The following KPNA7 variants were observed in gnomAD, a reference collection of about 807,000 sequenced individuals.
KPNA7 encodes karyopherin subunit alpha 7, also known as importin subunit alpha-8.
In KPNA7, 54 loss-of-function variants were observed where a neutral mutation model predicts 53.7. The ratio of observed to expected loss-of-function variants is 1.01; its 90% CI spans 0.81 to 1.26. The LOEUF (loss-of-function observed/expected upper bound fraction) is 1.26. Ranked by LOEUF, KPNA7 falls within the 50% of genes most tolerant of loss-of-function variation. The pLI is 0.00. For missense variants in KPNA7, 640 were observed against 644.5 expected (o/e 0.99, Z 0.07); for synonymous variants, 276 against 259.3 (o/e 1.06, Z -0.62).
chr7:99,179,670 C>A (rs1006353820), intron 9 of KPNA7, among the ~76,000 whole-genome samples: 1 of 151,868 alleles, frequency 6.6e-6, no homozygotes, highest in African/African-American at 2.4e-5. Flanking sequence ...CTGCAACCTC[C>A]ACCACCCAGG....
the KPNA7 span, among the ~76,000 whole-genome samples, chr7:99,147,069 T>C: frequency 6.6e-6 from 1 of 152,146 alleles, no homozygotes; most frequent in East Asian, 1.9e-4. Flanking sequence ...GGGACCTTCC[T>C]ACCTGGAAGC....
chr7:99,157,595 A>G, the KPNA7 span, among the ~76,000 whole-genome samples: 3 of 152,190 alleles, frequency 2.0e-5, no homozygotes, highest in Non-Finnish European at 4.4e-5. Flanking sequence ...GATTTCTTCT[A>G]TACATCTGTG....
chr7:99,156,063 A>G, the KPNA7 span, among the ~76,000 whole-genome samples: 1 of 152,012 alleles, frequency 6.6e-6, no homozygotes, highest in Admixed American at 6.6e-5. Context: ...TCATCTCGGG[A>G]TTGTTTTTCA....
upstream of KPNA7, among the ~76,000 whole-genome samples, chr7:99,211,003 A>C (rs2150786203): frequency 6.6e-6 from 1 of 152,156 alleles, no homozygotes; most frequent in East Asian, 1.9e-4. Flanking sequence ...AAATTGGATA[A>C]AGAAAGTCAA....
chr7:99,169,130 T>C (rs1424937744), downstream of KPNA7, among the ~76,000 whole-genome samples: 3 of 151,860 alleles, frequency 2.0e-5, no homozygotes, highest in African/African-American at 7.3e-5. Context: ...CACTCCAGCC[T>C]GGCGACAGAG....
intron 7 of KPNA7, 116 bp from the exon 8 acceptor site, chr7:99,185,278 GACAGCCTGTGAAC>G: frequency 1.4e-6 from 1 of 702,198 alleles, no homozygotes; most frequent in Non-Finnish European, 2.5e-6. Context: ...ATGGTTGTCT[GACAGCCTGTGAAC>G]AGGAATTGTA....
chr7:99,147,683 C>A, the KPNA7 span, among the ~76,000 whole-genome samples: 1 of 152,000 alleles, frequency 6.6e-6, no homozygotes, highest in Admixed American at 6.6e-5. Context: ...CCCAGCTACT[C>A]GGGAGGCTGA....
intron 2 of KPNA7, among the ~76,000 whole-genome samples, chr7:99,205,274 A>AG (rs1790739912): frequency 6.6e-6 from 1 of 150,640 alleles, no homozygotes; most frequent in Non-Finnish European, 1.5e-5. Flanking sequence ...TGCAAAAAAA[A>AG]AAATTAGCCG....
Position 99,203,219 on chromosome 7 carries a change from C to T in KPNA7, c.88G>A (p.Ala30Thr). 1 of 1,551,666 alleles carries T rather than the reference C, an allele frequency of 6.4e-7. No individual in the cohort carries two copies. Among genetic ancestry groups the T allele is most frequent in the Non-Finnish European group, 8.7e-7 (1 of 1,146,874 alleles). Residue 30 changes from alanine (A) to threonine (T), a missense_variant, in exon 3 of 11, where the codon GCG (alanine) becomes ACG (threonine). By Grantham distance (58) the Ala-to-Thr change is moderately conservative (BLOSUM62 0). Transcript: ENST00000327442. ...GCCTTTCGGAGCTCCAGACTGACCG[C>T]CATCCTCTGCTGTCGCCTCAGCTAG... Reference protein sequence around the residue: ...DVSLRRQQRMAVSLELRKAKK... With the variant: ...DVSLRRQQRMTVSLELRKAKK...
chr7:99,212,233 CTTTTTTT>C (rs34555248), upstream of KPNA7, among the ~76,000 whole-genome samples: 7 of 47,218 alleles, frequency 1.5e-4, no homozygotes, highest in African/African-American at 5.4e-4. Flanking sequence ...CACATGTGTC[CTTTTTTT>C]TTTTTTTTTT....
At chr7:99,148,345 T>G in the KPNA7 span, among the ~76,000 whole-genome samples, 1 of 152,168 alleles carries the variant, frequency 6.6e-6, no homozygotes, top group Non-Finnish European at 1.5e-5. Context: ...CCTGAGTCAG[T>G]GTTATTGGGC....
downstream of KPNA7, among the ~76,000 whole-genome samples, chr7:99,168,769 A>G (rs1798720465): frequency 6.6e-6 from 1 of 152,176 alleles, no homozygotes; most frequent in Non-Finnish European, 1.5e-5. Flanking sequence ...AGTAGCTGGG[A>G]CCACAGGTGC....
the KPNA7 span, among the ~76,000 whole-genome samples, chr7:99,156,872 C>G: frequency 6.6e-6 from 1 of 151,924 alleles, no homozygotes; most frequent in Admixed American, 6.6e-5. Flanking sequence ...AATGTCTTTC[C>G]CTATATTTTC....
At chr7:99,161,660 C>T in the KPNA7 span, among the ~76,000 whole-genome samples, 1 of 152,178 alleles carries the variant, frequency 6.6e-6, no homozygotes, top group Non-Finnish European at 1.5e-5. Flanking sequence ...CTGCCACTTA[C>T]TGAAAGATGA....
the KPNA7 span, among the ~76,000 whole-genome samples, chr7:99,157,990 T>A: frequency 6.6e-6 from 1 of 151,990 alleles, no homozygotes; most frequent in African/African-American, 2.4e-5. Context: ...TTGCCCACAC[T>A]GGTCTTGAAC....
At chr7:99,182,220 T>C (rs1789290823) in intron 8 of KPNA7, among the ~76,000 whole-genome samples, 155 bp from the exon 9 acceptor site, 1 of 151,750 alleles carries the variant, frequency 6.6e-6, no homozygotes, top group Middle Eastern at 3.4e-3. Flanking sequence ...GCTCTTTCTT[T>C]CCCCCCTCAC....
intron 1 of KPNA7, among the ~76,000 whole-genome samples, chr7:99,214,368 G>C (rs1345918764): frequency 1.3e-5 from 2 of 151,166 alleles, no homozygotes; most frequent in African/African-American, 4.9e-5. Flanking sequence ...ACTTGAAACT[G>C]GGAGGCAGAG....
chr7:99,167,865 T>C, the KPNA7 span, among the ~76,000 whole-genome samples: 6 of 151,996 alleles, frequency 3.9e-5, no homozygotes, highest in Non-Finnish European at 2.9e-5. Context: ...GAAAACAAGC[T>C]CAGGGCTCCC....
rs756807848 is a variant in KPNA7 at position 99,178,771 on chromosome 7, CAAAAAAAAAAAAAAA to C, written c.1318-720_1318-706del. 6.9e-4 allele frequency among the ~76,000 whole-genome samples: 19 copies of C among 27,678 alleles called. No individual in the cohort carries two copies. In the South Asian group the frequency reaches 8.0e-3, roughly 12 times the overall value. 18.2% of individuals were successfully genotyped at this position (27,678 alleles called of 152,430 possible). A position where few individuals can be genotyped will look rare whatever the true frequency, so the allele number is the denominator to read the frequency against. On this transcript the variant is annotated intron_variant, in intron 9 of 10. Transcript: ENST00000327442. ...GCATTTGGCCCAAATATCTTTGTCT[CAAAAAAAAAAAAAAA>C]AAAAAAAAAAAAAAAAAAAAGAGTC...
Sources: allele counts gnomAD v4.1 joint callset (sites outside exome capture counted in the v4.1 genomes callset), GRCh38; gene constraint gnomAD v4.1.1; transcripts MANE v1.5; gene names NCBI Gene and HGNC (gene_info 2026-07-23, HGNC 2026-07-21).